Variants in PTGFRN observed in about 807,000 individuals in gnomAD.
PTGFRN encodes prostaglandin F2 receptor negative regulator.
In PTGFRN, 35 loss-of-function variants were observed where a neutral mutation model predicts 83.2. That is an observed-to-expected ratio of 0.42 (90% CI 0.32 to 0.56). The LOEUF (loss-of-function observed/expected upper bound fraction) is 0.56. PTGFRN is among the 20% of genes least tolerant of loss of function. The probability of loss-of-function intolerance (pLI) is 0.11; values close to 1 mark genes in which losing one functional copy is unlikely to be tolerated. For missense variants in PTGFRN, 1,051 were observed against 1,179.5 expected, an observed-to-expected ratio of 0.89 and a Z score of 1.60; for synonymous variants, 519 against 498.6, an observed-to-expected ratio of 1.04 and a Z score of -0.55.
chr1:116,984,048 G>A (rs1032392605), intron 7 of PTGFRN, among the ~76,000 whole-genome samples: 4 of 152,110 alleles, frequency 2.6e-5, no homozygotes, highest in African/African-American at 9.7e-5. Flanking sequence ...TACTCTCTGG[G>A]ACTGTTAAAC....
intron 6 of PTGFRN, among the ~76,000 whole-genome samples, chr1:116,969,259 T>TA (rs1557746978): frequency 6.6e-6 from 1 of 152,168 alleles, no homozygotes; most frequent in African/African-American, 2.4e-5. Flanking sequence ...TAGGCTATGA[T>TA]TCATGTTAAT....
intron 4 of PTGFRN, 101 bp downstream of exon 4, chr1:116,949,673 C>A (rs147064626): frequency 8.7e-5 from 126 of 1,454,668 alleles, no homozygotes; most frequent in Non-Finnish European, 1.0e-4. Context: ...TGCATGACTT[C>A]GACATTATTT....
intron 1 of PTGFRN, among the ~76,000 whole-genome samples, chr1:116,938,536 A>G (rs927721966): frequency 6.6e-6 from 1 of 152,182 alleles, no homozygotes; most frequent in Non-Finnish European, 1.5e-5. Flanking sequence ...CAGCACGGGA[A>G]AGACCTGCCC....
intron 1 of PTGFRN, among the ~76,000 whole-genome samples, chr1:116,911,032 C>T (rs982631665): frequency 2.0e-5 from 3 of 151,070 alleles, no homozygotes; most frequent in Non-Finnish European, 4.4e-5. Flanking sequence ...TCCCCCCACC[C>T]AAGGAATCTT....
At position 116,987,668 on chromosome 1, in the gene PTGFRN, T is replaced by C. The variant is rs1434030592; in HGVS notation, c.*701T>C. 6.6e-6 allele frequency: 1 copy of C among 152,042 alleles called. No homozygotes were observed. The highest frequency in any genetic ancestry group is 1.5e-5 in the Non-Finnish European group (1 of 67,988). 9.4% of individuals were successfully genotyped at this position (152,042 alleles called of 1,614,324 possible). On this transcript the variant is annotated 3_prime_UTR_variant, in exon 9 of 9. Coordinates refer to ENST00000393203, the MANE Select transcript of PTGFRN (RefSeq NM_020440.4). ...GAAATGGCAGCCCTGGAATCTACAA[T>C]TTGGCTCTCCACTGAGCACCTTATC...
At chr1:116,951,126 T>A (rs1259945264) in intron 4 of PTGFRN, among the ~76,000 whole-genome samples, 1 of 152,196 alleles carries the variant, frequency 6.6e-6, no homozygotes, top group Non-Finnish European at 1.5e-5. Context: ...TTTTTTTTTT[T>A]AATTGAAAGT....
Position 116,952,811 on chromosome 1 carries a change from G to C in PTGFRN, c.1213+3239G>C, listed in dbSNP as rs1197059939. 6.6e-6 allele frequency among the ~76,000 whole-genome samples: 1 copy of C among 152,204 alleles called. No homozygotes were observed. The highest frequency in any genetic ancestry group is 1.5e-5 in the Non-Finnish European group (1 of 68,032). On this transcript the variant is annotated intron_variant, in intron 4 of 8. Coordinates refer to ENST00000393203, the MANE Select transcript of PTGFRN (RefSeq NM_020440.4). The surrounding 1 kb of genome is among the most constrained non-coding windows in gnomAD (Gnocchi z 4.0). The stretch of plus-strand genomic sequence containing the variant: ...TCTTTTACAAAAGGCCCTAAATGAT[G>C]GTTTAAATGGATGTTTCTTATATCC...
At chr1:116,913,900 C>G (rs984585726) in intron 1 of PTGFRN, among the ~76,000 whole-genome samples, 1 of 152,180 alleles carries the variant, frequency 6.6e-6, no homozygotes, top group African/African-American at 2.4e-5. Context: ...TTAACACATT[C>G]TCTTTATGTC....
chr1:116,971,924 G>A (rs1292365328), intron 6 of PTGFRN, among the ~76,000 whole-genome samples: 1 of 152,196 alleles, frequency 6.6e-6, no homozygotes, highest in African/African-American at 2.4e-5. Flanking sequence ...CTTAGAAGGG[G>A]CCTGAGCACT....
rs1192347381 is a variant in PTGFRN, at chr1:116,984,852, G to A, written c.2340G>A (p.Val780=). The stretch of plus-strand genomic sequence containing the variant: ...GTGTGCTGGAATTCTTGCTGCAAGT[G>A]CATGGCTCCGAGGACCAGGACTTTG... ...RVSVLEFLLQ[V]HGSEDQDFGN... The change falls in exon 8 of 9, where the codon GTG becomes GTA. Residue 780 remains valine, a synonymous_variant. Coordinates refer to ENST00000393203, the MANE Select transcript of PTGFRN (RefSeq NM_020440.4). The A allele has an allele frequency of 1.9e-6, 3 of 1,614,038 alleles. No homozygotes were observed. Among genetic ancestry groups the A allele is most frequent in the Non-Finnish European group, 2.5e-6 (3 of 1,180,044 alleles).
intron 1 of PTGFRN, among the ~76,000 whole-genome samples, chr1:116,922,111 G>T (rs1288456926): frequency 6.6e-6 from 1 of 152,138 alleles, no homozygotes; most frequent in African/African-American, 2.4e-5. Flanking sequence ...GAAAGATGTT[G>T]GCAGCATCAC....
In PTGFRN at chr1:116,949,259, C is replaced by T; in HGVS notation, c.900C>T (p.Asn300=). 1 of 1,614,096 alleles carries T rather than the reference C, an allele frequency of 6.2e-7. No homozygotes were observed. Among genetic ancestry groups the T allele is most frequent in the Non-Finnish European group, 8.5e-7 (1 of 1,179,958 alleles). Residue 300 remains asparagine, a synonymous_variant, in exon 4 of 9, where the codon AAC becomes AAT. Transcript: ENST00000393203. ...GAAAGGAACTGGACCTGACCTGTAA[C>T]ATCACAACAGACCGAGCCGATGACG... ...AEGKELDLTC[N]ITTDRADDVR...
chr1:116,913,423 G>A (rs1649321534), intron 1 of PTGFRN, among the ~76,000 whole-genome samples: 1 of 150,970 alleles, frequency 6.6e-6, no homozygotes, highest in African/African-American at 2.4e-5. Context: ...GGAAATAATG[G>A]GGGTGCAATT....
rs569938142 is a variant in PTGFRN, at chr1:116,974,261, T to G, written c.2105T>G (p.Ile702Ser). The G allele has an allele frequency of 1.9e-6, 3 of 1,613,718 alleles. No individual in the cohort carries two copies. In the South Asian group the frequency reaches 3.3e-5, roughly 18 times the overall value. Residue 702 changes from isoleucine to serine, a missense_variant, in exon 7 of 9, where the codon ATT (isoleucine) becomes AGT (serine). Transcript: ENST00000393203. The part of the protein sequence containing the change: ...ASVHSDTPSV[I>S]RGDLIKLFCI... ...GTGCATTCAGACACACCATCAGTAA[T>G]TCGGGGAGATCTGATCAAATTGTTC... is the stretch of plus-strand genomic sequence containing the variant.
At chr1:116,953,883 C>T (rs183452741) in intron 4 of PTGFRN, among the ~76,000 whole-genome samples, 1,607 of 145,594 alleles carry the variant, frequency 0.011, 84 homozygotes, top group Admixed American at 0.1. Context: ...GATGGAGTCT[C>T]GCTCTGTCGC....
chr1:116,911,129 C>T (rs1570639346), intron 1 of PTGFRN, among the ~76,000 whole-genome samples: 1 of 152,008 alleles, frequency 6.6e-6, no homozygotes, highest in Non-Finnish European at 1.5e-5. Context: ...CCTAGCCAGC[C>T]ACGGAAATAT....
chr1:116,922,465 A>G (rs1347946967), intron 1 of PTGFRN, among the ~76,000 whole-genome samples: 1 of 152,226 alleles, frequency 6.6e-6, no homozygotes, highest in African/African-American at 2.4e-5. Context: ...AACAAGTTTC[A>G]GCGGAAACAG....
Position 116,990,138 on chromosome 1 carries a change from TA to T in PTGFRN, c.*3172del, listed in dbSNP as rs2101097765. The T allele has an allele frequency of 6.5e-6, 1 of 152,756 alleles. No homozygotes were observed. The highest frequency in any genetic ancestry group is 2.4e-5 in the African/African-American group (1 of 41,564). 9.5% of individuals were successfully genotyped at this position (152,756 alleles called of 1,614,324 possible). On this transcript the variant is annotated 3_prime_UTR_variant, in exon 9 of 9. Coordinates refer to ENST00000393203, the MANE Select transcript of PTGFRN (RefSeq NM_020440.4). The stretch of plus-strand genomic sequence containing the variant: ...GTTTGACCAAATTCTCAGTGATAAA[TA>T]TGTGTGCAGATCCCTAGAAGAGAAA...
At chr1:116,950,442 C>G (rs1201475127) in intron 4 of PTGFRN, among the ~76,000 whole-genome samples, 1 of 152,160 alleles carries the variant, frequency 6.6e-6, no homozygotes, top group Non-Finnish European at 1.5e-5. Context: ...GTTTTGATCT[C>G]TCTACTGTCC....
Sources: allele counts gnomAD v4.1 joint callset (sites outside exome capture counted in the v4.1 genomes callset), GRCh38; gene constraint gnomAD v4.1.1; non-coding constraint Gnocchi (gnomAD v3.1); transcripts MANE v1.5; gene names NCBI Gene and HGNC (gene_info 2026-07-23, HGNC 2026-07-21).